Variants in SUGCT observed in about 807,000 individuals in gnomAD.
SUGCT encodes succinyl-CoA:glutarate-CoA transferase.
In SUGCT, 41 loss-of-function variants were observed where a neutral mutation model predicts 55.0. The observed-to-expected ratio is 0.74, with a 90% CI of 0.58 to 0.97. The LOEUF (loss-of-function observed/expected upper bound fraction) is 0.97. Ranked by LOEUF, SUGCT falls within the 50% of genes least tolerant of loss-of-function variation. SUGCT has a pLI of 0.00. For synonymous variants in SUGCT, 187 were observed against 200.4 expected (o/e 0.93, Z 0.56); for missense variants, 568 against 547.8 (o/e 1.04, Z -0.37).
At chr7:40,603,632 C>T (rs1798397222) in intron 12 of SUGCT, among the ~76,000 whole-genome samples, 2 of 151,928 alleles carry the variant, frequency 1.3e-5, no homozygotes, top group African/African-American at 4.8e-5. Flanking sequence ...AAATAGTAGC[C>T]CTTAGCATTG....
At chr7:40,510,929 A>G (rs73308238) in intron 12 of SUGCT, among the ~76,000 whole-genome samples, 9,369 of 152,172 alleles carry the variant, frequency 0.062, 932 homozygotes, top group African/African-American at 0.21. Context: ...AAACTTTTCC[A>G]ATATACAGAT....
At chr7:40,719,967 T>C (rs552223157) in intron 12 of SUGCT, among the ~76,000 whole-genome samples, 2 of 152,242 alleles carry the variant, frequency 1.3e-5, no homozygotes, top group African/African-American at 4.8e-5. Context: ...GGCTAATTTT[T>C]GTATTTTTAG....
intron 12 of SUGCT, among the ~76,000 whole-genome samples, chr7:40,564,372 G>A (rs1220790537): frequency 1.3e-5 from 2 of 152,168 alleles, no homozygotes; most frequent in African/African-American, 4.8e-5. Flanking sequence ...GCGACAGAGC[G>A]AGACTCCGTC....
the SUGCT span, among the ~76,000 whole-genome samples, chr7:40,964,141 A>G: frequency 6.6e-6 from 1 of 152,192 alleles, no homozygotes; most frequent in Non-Finnish European, 1.5e-5. Flanking sequence ...GGACTTCTCT[A>G]TTCATTTTGT....
At chr7:40,362,183 C>T (rs746344988) in intron 9 of SUGCT, among the ~76,000 whole-genome samples, 2 of 152,044 alleles carry the variant, frequency 1.3e-5, no homozygotes, top group Non-Finnish European at 2.9e-5. Flanking sequence ...CTTTGGGAGG[C>T]CGAGGTGGGC....
intron 8 of SUGCT, among the ~76,000 whole-genome samples, chr7:40,299,109 T>A (rs1241476511): frequency 6.6e-6 from 1 of 152,202 alleles, no homozygotes; most frequent in Non-Finnish European, 1.5e-5. Context: ...TGACTTGATT[T>A]TTTTCCCCAT....
At chr7:41,017,765 C>T in the SUGCT span, among the ~76,000 whole-genome samples, 24 of 115,792 alleles carry the variant, frequency 2.1e-4, no homozygotes, top group East Asian at 1.0e-3. Flanking sequence ...AGTGAGAGTC[C>T]GTCTCAAAAA....
In SUGCT at chr7:40,401,810, G is replaced by C. The variant is rs142817893; in HGVS notation, c.817-47477G>C. Among the ~76,000 whole-genome samples, 123 of 152,278 alleles carry C rather than the reference G, an allele frequency of 8.1e-4. 1 individual carries two copies. The highest frequency in any genetic ancestry group is 2.9e-3 in the Admixed American group (45 of 15,292). ...AAGAAAACAACTTGGTGAATATTTA[G>C]TATTTGAACAAAGAAGGATCCCCAA... On this transcript the variant is annotated intron_variant, in intron 9 of 13. Coordinates refer to ENST00000335693, the MANE Select transcript of SUGCT (RefSeq NM_001193313.2).
chr7:40,684,623 G>T (rs964572168), intron 12 of SUGCT, among the ~76,000 whole-genome samples: 2 of 151,884 alleles, frequency 1.3e-5, no homozygotes, highest in East Asian at 3.9e-4. Flanking sequence ...AATATTTTTT[G>T]AATTTTAGAC....
At chr7:41,036,222 G>A in the SUGCT span, among the ~76,000 whole-genome samples, 8 of 152,168 alleles carry the variant, frequency 5.3e-5, no homozygotes, top group African/African-American at 1.9e-4. Context: ...CTGAATGAGT[G>A]AATGGACAAA....
At chr7:40,955,835 A>G in the SUGCT span, among the ~76,000 whole-genome samples, 1 of 152,138 alleles carries the variant, frequency 6.6e-6, no homozygotes, top group Non-Finnish European at 1.5e-5. Context: ...AGTTTTTAGC[A>G]TGAAGGGTGT....
At position 40,843,567 on chromosome 7, in the gene SUGCT, G is replaced by A. The variant is rs372583929; in HGVS notation, c.1154-16749G>A. ...CTCACTGAGCAGAAATGTGAAGGACGTGAGGGAATGATGTGAGTAGATTTT... is the reference window on the plus strand; with the variant it reads ...CTCACTGAGCAGAAATGTGAAGGACATGAGGGAATGATGTGAGTAGATTTT... On this transcript the variant is annotated intron_variant, in intron 13 of 13. Coordinates refer to ENST00000335693, the MANE Select transcript of SUGCT (RefSeq NM_001193313.2). Among the ~76,000 whole-genome samples, 10 of 151,040 alleles carry A rather than the reference G, an allele frequency of 6.6e-5. No individual in the cohort carries two copies. The South Asian group carries it at 1.5e-3, about 22-fold the overall frequency.
intron 9 of SUGCT, among the ~76,000 whole-genome samples, chr7:40,445,343 A>G (rs989392194): frequency 9.9e-5 from 15 of 152,206 alleles, no homozygotes; most frequent in Admixed American, 8.5e-4. Context: ...AGAAATACAA[A>G]CTACCATCAG....
intron 13 of SUGCT, among the ~76,000 whole-genome samples, chr7:40,768,785 C>T (rs1300232451): frequency 6.6e-6 from 1 of 152,200 alleles, no homozygotes; most frequent in Non-Finnish European, 1.5e-5. Flanking sequence ...TTATGCCATT[C>T]CTTTTTCTTG....
At chr7:41,021,510 A>G in the SUGCT span, among the ~76,000 whole-genome samples, 1 of 152,198 alleles carries the variant, frequency 6.6e-6, no homozygotes, top group Non-Finnish European at 1.5e-5. Context: ...TCATTCAGAA[A>G]AACTTTCAGT....
chr7:40,891,529 G>C, the SUGCT span, among the ~76,000 whole-genome samples: 2 of 152,058 alleles, frequency 1.3e-5, no homozygotes, highest in African/African-American at 4.8e-5. Flanking sequence ...AAGAAAAAAA[G>C]AACAAAAACT....
intron 8 of SUGCT, among the ~76,000 whole-genome samples, chr7:40,302,105 T>G (rs1212893492): frequency 6.6e-6 from 1 of 152,208 alleles, no homozygotes; most frequent in Non-Finnish European, 1.5e-5. Flanking sequence ...TATTAGTATT[T>G]GAGGTTTCTG....
At chr7:40,159,527 C>T (rs954615406) in intron 1 of SUGCT, among the ~76,000 whole-genome samples, 3 of 152,030 alleles carry the variant, frequency 2.0e-5, no homozygotes, top group African/African-American at 4.8e-5. Flanking sequence ...CGCACCACCA[C>T]GCCTGGCTAA....
Position 40,587,807 on chromosome 7 carries a change from A to C in SUGCT, c.1089+91421A>C, listed in dbSNP as rs13240811. Among the ~76,000 whole-genome samples, 978 of 152,164 alleles carry C rather than the reference A, an allele frequency of 6.4e-3. 6 individuals carry two copies. Among genetic ancestry groups the C allele is most frequent in the South Asian group, 0.014 (66 of 4,822 alleles). On this transcript the variant is annotated intron_variant, in intron 12 of 13. Coordinates refer to ENST00000335693, the MANE Select transcript of SUGCT (RefSeq NM_001193313.2). ...TTTCATTTTCACTCATATTTCACTT[A>C]TATAAATCACTTGTATGAGACAACA... is the stretch of plus-strand genomic sequence containing the variant.
Sources: gnomAD v4.1 joint callset for allele counts (sites outside exome capture counted in the v4.1 genomes callset) on GRCh38, gnomAD v4.1.1 for gene constraint, MANE v1.5 for transcripts, NCBI Gene and HGNC (gene_info 2026-07-23, HGNC 2026-07-21) for gene names.